The following SESTD1 variants were observed in gnomAD, a reference collection of about 807,000 sequenced individuals.
The protein encoded by SESTD1 is SEC14 domain and spectrin repeat-containing protein 1.
A neutral mutation model predicts 101.7 loss-of-function variants in SESTD1; 43 were observed. The observed-to-expected ratio is 0.42, with a 90% CI of 0.33 to 0.55. The LOEUF (loss-of-function observed/expected upper bound fraction) is 0.55. Among genes scored for constraint, SESTD1 ranks in the 20% least tolerant of loss-of-function variants. The probability of loss-of-function intolerance (pLI) is 0.07; values close to 1 mark genes in which losing one functional copy is unlikely to be tolerated. For synonymous variants in SESTD1, 283 were observed against 286.8 expected (o/e 0.99, Z 0.13); for missense variants, 647 against 815.1 (o/e 0.79, Z 2.51).
At chr2:179,179,323 C>A (rs551422754) in intron 3 of SESTD1, among the ~76,000 whole-genome samples, 1 of 152,192 alleles carries the variant, frequency 6.6e-6, no homozygotes, top group East Asian at 1.9e-4. Flanking sequence ...AATCTAAGAC[C>A]CAGCCTCCTA....
intron 1 of SESTD1, among the ~76,000 whole-genome samples, chr2:179,228,189 C>A (rs906320723): frequency 1.3e-5 from 2 of 152,168 alleles, no homozygotes; most frequent in Non-Finnish European, 2.9e-5. Context: ...GCCTCTATAA[C>A]ATGACAGACA....
At chr2:179,184,476 T>C (rs151290737) in intron 2 of SESTD1, among the ~76,000 whole-genome samples, 1 of 152,248 alleles carries the variant, frequency 6.6e-6, no homozygotes, top group Non-Finnish European at 1.5e-5. Context: ...TGTCAACAAA[T>C]TATCATCTAA....
At chr2:179,139,653 AACT>A (rs1240529564) in intron 9 of SESTD1, among the ~76,000 whole-genome samples, 4 of 152,246 alleles carry the variant, frequency 2.6e-5, no homozygotes, top group African/African-American at 9.6e-5. Context: ...ATACTGACAA[AACT>A]ACTGTGCCAG....
At chr2:179,112,921 CA>C (rs893606431) in intron 16 of SESTD1, 76 bp from the exon 17 acceptor site, 563 of 1,399,012 alleles carry the variant, frequency 4.0e-4, no homozygotes, top group South Asian at 1.0e-3. Context: ...CCCCACCCCA[CA>C]AAAAAAAAGA....
chr2:179,186,749 G>A lies in SESTD1; in HGVS notation c.56-3561C>T, dbSNP rs187581162. Among the ~76,000 whole-genome samples the A allele has an allele frequency of 7.0e-3, 1,038 of 149,210 alleles. 7 individuals are homozygous for A. The highest frequency in any genetic ancestry group is 9.2e-3 in the Non-Finnish European group (620 of 67,578). On this transcript the variant is annotated intron_variant, in intron 2 of 17. Transcript: ENST00000428443. ...GTCGCCCAGGCTGGAGTGCAGTGGC[G>A]CGATCTTGGCTCACTGCAAGCTCTG... is the stretch of plus-strand genomic sequence containing the variant.
rs905950433 is a variant in SESTD1, at chr2:179,109,484, G to T, written c.*415C>A. ...AAAGTAAAATTTTGAGGACACCACT[G>T]TCTACTAACAAGAGTTTAACTACTG... On this transcript the variant is annotated 3_prime_UTR_variant, in exon 18 of 18. Transcript: ENST00000428443. 2.6e-5 allele frequency: 10 copies of T among 379,558 alleles called. No homozygotes were observed. The highest frequency in any genetic ancestry group is 4.7e-5 in the Non-Finnish European group (10 of 214,178). 23.5% of individuals were successfully genotyped at this position (379,558 alleles called of 1,614,324 possible).
chr2:179,234,696 T>A (rs2047040258), intron 1 of SESTD1, among the ~76,000 whole-genome samples: 1 of 152,158 alleles, frequency 6.6e-6, no homozygotes, highest in Admixed American at 6.5e-5. Flanking sequence ...TGAAGACACA[T>A]CACTTCTGTA....
chr2:179,185,245 T>C (rs1048153335), intron 2 of SESTD1, among the ~76,000 whole-genome samples: 3 of 151,234 alleles, frequency 2.0e-5, no homozygotes, highest in Admixed American at 6.6e-5. Context: ...TTTCCAGGTA[T>C]AGAAGAGAAA....
At chr2:179,153,272 T>C (rs1307586660) in intron 5 of SESTD1, among the ~76,000 whole-genome samples, 1 of 152,174 alleles carries the variant, frequency 6.6e-6, no homozygotes, top group Non-Finnish European at 1.5e-5. Context: ...AGTGATAGTT[T>C]TAGTATTGCC....
intron 10 of SESTD1, among the ~76,000 whole-genome samples, chr2:179,127,209 G>A (rs1296346576): frequency 6.6e-6 from 1 of 152,124 alleles, no homozygotes; most frequent in Non-Finnish European, 1.5e-5. Context: ...TCATCTTCCT[G>A]TGCTGGGGTG....
chr2:179,163,055 A>G (rs1221774513), intron 5 of SESTD1, among the ~76,000 whole-genome samples: 2 of 152,094 alleles, frequency 1.3e-5, no homozygotes, highest in Non-Finnish European at 2.9e-5. Flanking sequence ...ATTTCCGTCC[A>G]GTGGAATAAG....
At position 179,235,141 on chromosome 2, in the gene SESTD1, T is replaced by C. The variant is rs1002483941; in HGVS notation, c.-26+29358A>G. On this transcript the variant is annotated intron_variant, in intron 1 of 17. Transcript: ENST00000428443. Reference sequence around the variant, plus strand: ...TACTGCAAAATTTAAATAAAGTCTATAGAGTACTGCATCAATGTTAACTTC... The same window carrying C: ...TACTGCAAAATTTAAATAAAGTCTACAGAGTACTGCATCAATGTTAACTTC... Among the ~76,000 whole-genome samples the C allele has an allele frequency of 3.3e-5, 5 of 152,284 alleles. 1 individual carries two copies. The highest frequency in any genetic ancestry group is 6.8e-3 in the Middle Eastern group (2 of 294).
At chr2:179,146,928 T>C (rs1024872680) in intron 7 of SESTD1, among the ~76,000 whole-genome samples, 1 of 151,822 alleles carries the variant, frequency 6.6e-6, no homozygotes, top group African/African-American at 2.4e-5. Context: ...TGTGTGTGTG[T>C]GTGTGTGTGT....
chr2:179,110,171 G>A, intron 17 of SESTD1, 143 bp from the exon 18 acceptor site: 1 of 757,606 alleles, frequency 1.3e-6, no homozygotes, highest in Non-Finnish European at 2.0e-6. Context: ...TGATCATACT[G>A]TTTGAGCAGG....
chr2:179,164,011 T>TA (rs2045790188), intron 5 of SESTD1, among the ~76,000 whole-genome samples: 1 of 152,220 alleles, frequency 6.6e-6, no homozygotes, highest in Non-Finnish European at 1.5e-5. Context: ...GGTTTATTAT[T>TA]ATTTCACTAT....
chr2:179,112,149 C>T (rs9288024), intron 17 of SESTD1, among the ~76,000 whole-genome samples: 1,851 of 152,224 alleles, frequency 0.012, 31 homozygotes, highest in African/African-American at 0.038. Context: ...GAAATTAGAA[C>T]GCCATATAAC....
Position 179,108,636 on chromosome 2 carries a change from T to C in SESTD1, c.*1263A>G, listed in dbSNP as rs1044327549. The stretch of plus-strand genomic sequence containing the variant: ...ATTGGAAGATACACGAGCATGTTTG[T>C]AGACCTCAAAAAGGAACCAGTATAC... On this transcript the variant is annotated 3_prime_UTR_variant, in exon 18 of 18. Coordinates refer to ENST00000428443, the MANE Select transcript of SESTD1 (RefSeq NM_178123.5). 6.6e-6 allele frequency: 1 copy of C among 151,686 alleles called. No homozygotes were observed. Among genetic ancestry groups the C allele is most frequent in the Admixed American group, 6.6e-5 (1 of 15,248 alleles). 9.4% of individuals were successfully genotyped at this position (151,686 alleles called of 1,614,324 possible).
intron 9 of SESTD1, among the ~76,000 whole-genome samples, chr2:179,141,914 G>GA (rs2045287705): frequency 6.6e-6 from 1 of 152,174 alleles, no homozygotes; most frequent in South Asian, 2.1e-4. Context: ...CGTATGCTCA[G>GA]AAATCTCCAG....
At chr2:179,232,705 A>G (rs182138426) in intron 1 of SESTD1, among the ~76,000 whole-genome samples, 4 of 152,316 alleles carry the variant, frequency 2.6e-5, no homozygotes, top group African/African-American at 7.2e-5. Context: ...AGAGATCTCT[A>G]TATCATTATA....
Sources: allele counts gnomAD v4.1 joint callset (sites outside exome capture counted in the v4.1 genomes callset), GRCh38; gene constraint gnomAD v4.1.1; transcripts MANE v1.5; gene names NCBI Gene and HGNC (gene_info 2026-07-23, HGNC 2026-07-21).